The following MAD1L1 variants were observed in gnomAD, a reference collection of about 807,000 sequenced individuals.
MAD1L1 encodes the protein mitotic spindle assembly checkpoint protein MAD1.
Under a neutral mutation model 96.9 loss-of-function variants are expected in MAD1L1, and 95 were observed. The observed-to-expected ratio is 0.98, with a 90% confidence interval of 0.83 to 1.16. MAD1L1 has a LOEUF of 1.16. MAD1L1 is among the 50% of genes most tolerant of loss of function. MAD1L1 has a pLI of 0.00. For missense variants in MAD1L1, 1,007 were observed against 954.4 expected (o/e 1.06, Z -0.73); for synonymous variants, 473 against 396.6 (o/e 1.19, Z -2.29).
intron 18 of MAD1L1, among the ~76,000 whole-genome samples, chr7:1,856,486 C>G (rs1357433083): frequency 6.6e-6 from 1 of 152,246 alleles, no homozygotes; most frequent in African/African-American, 2.4e-5. Flanking sequence ...CCACAGCCCC[C>G]GCTGGCCAGC....
At chr7:1,946,702 C>A (rs988383008) in intron 16 of MAD1L1, among the ~76,000 whole-genome samples, 9 of 152,368 alleles carry the variant, frequency 5.9e-5, no homozygotes, top group Non-Finnish European at 1.2e-4. Flanking sequence ...AGGTCCCCGG[C>A]CACTTGCAGG....
intron 11 of MAD1L1, among the ~76,000 whole-genome samples, chr7:2,102,424 CACT>C (rs1196624792): frequency 1.3e-5 from 2 of 150,560 alleles, no homozygotes; most frequent in East Asian, 2.0e-4. Flanking sequence ...TCACCATCAC[CACT>C]GTCACCCTCA....
chr7:2,169,656 T>A, intron 10 of MAD1L1, among the ~76,000 whole-genome samples: 1 of 152,186 alleles, frequency 6.6e-6, no homozygotes, highest in East Asian at 1.9e-4. Context: ...AAGCAGCGGG[T>A]CAAGGTGCCA....
chr7:1,996,351 C>T (rs1192137095), intron 14 of MAD1L1, among the ~76,000 whole-genome samples: 3 of 151,898 alleles, frequency 2.0e-5, no homozygotes, highest in African/African-American at 7.2e-5. Context: ...CAGGGTCCCC[C>T]GGGTCTACAC....
At chr7:1,855,116 G>C (rs1411533886) in intron 18 of MAD1L1, among the ~76,000 whole-genome samples, 10 of 152,158 alleles carry the variant, frequency 6.6e-5, no homozygotes. Context: ...AGAGCCGCGC[G>C]TGTTTGCCGG....
At chr7:2,137,175 G>A (rs1434614647) in intron 11 of MAD1L1, among the ~76,000 whole-genome samples, 1 of 152,114 alleles carries the variant, frequency 6.6e-6, no homozygotes, top group African/African-American at 2.4e-5. Flanking sequence ...AAATACTTAG[G>A]GACCAACCCC....
intron 11 of MAD1L1, among the ~76,000 whole-genome samples, chr7:2,078,576 C>A (rs1039543757): frequency 6.6e-6 from 1 of 152,222 alleles, no homozygotes; most frequent in East Asian, 1.9e-4. Context: ...AGGAGGCTGG[C>A]GGCCAGGGCC....
chr7:2,128,226 T>A (rs1459650337), intron 11 of MAD1L1, among the ~76,000 whole-genome samples: 1 of 152,080 alleles, frequency 6.6e-6, no homozygotes, highest in Admixed American at 6.5e-5. Context: ...CCCAGACTAA[T>A]TATTCTGCAT....
chr7:1,870,157 C>T lies in MAD1L1; in HGVS notation c.1998+28043G>A, dbSNP rs567467389. Among the ~76,000 whole-genome samples, 7 of 152,166 alleles carry T rather than the reference C, an allele frequency of 4.6e-5. No individual in the cohort carries two copies. The East Asian group carries it at 9.7e-4, about 21-fold the overall frequency. ...GGAAGGCTGTGCAGGTGGCAGCTCA[C>T]GATGTGTCACATCCGGCCTAGTTGG... On this transcript the variant is annotated intron_variant, in intron 18 of 18. Transcript: ENST00000265854.
chr7:1,935,473 C>A (rs1374829573), intron 17 of MAD1L1, among the ~76,000 whole-genome samples: 1 of 152,210 alleles, frequency 6.6e-6, no homozygotes, highest in Non-Finnish European at 1.5e-5. Flanking sequence ...AGCCACTAAG[C>A]CCCTACCTGC....
chr7:2,017,300 G>A (rs1186099517), intron 12 of MAD1L1, among the ~76,000 whole-genome samples: 6 of 152,190 alleles, frequency 3.9e-5, no homozygotes, highest in Non-Finnish European at 8.8e-5. Context: ...TCCCAGACTC[G>A]CTTTAAGAAG....
chr7:1,871,419 C>T (rs1785089320), intron 18 of MAD1L1, among the ~76,000 whole-genome samples: 1 of 149,216 alleles, frequency 6.7e-6, no homozygotes, highest in Admixed American at 6.7e-5. Context: ...CAACATACGC[C>T]TGCCAAGCTG....
At position 1,980,497 on chromosome 7, in the gene MAD1L1, G is replaced by A. The variant is rs777130204; in HGVS notation, c.1461C>T (p.Ala487=). The change falls in exon 15 of 19, where the codon GCC becomes GCT. Residue 487 remains alanine (A), a synonymous_variant. Coordinates refer to ENST00000265854, the MANE Select transcript of MAD1L1 (RefSeq NM_001013836.2). ...LKMLKSQSSS[A]EQSFLFSREE... Reference sequence around the variant, plus strand: ...CCCTGGAGAACAGGAAGCTCTGTTCGGCAGAGCTGGACTGAGACTTCAGCA... The same window carrying A: ...CCCTGGAGAACAGGAAGCTCTGTTCAGCAGAGCTGGACTGAGACTTCAGCA... 154 of 1,601,530 alleles carry A rather than the reference G, an allele frequency of 9.6e-5. 2 individuals carry two copies. The highest frequency in any genetic ancestry group is 3.9e-4 in the Admixed American group (23 of 58,572).
intron 11 of MAD1L1, among the ~76,000 whole-genome samples, chr7:2,131,517 C>G (rs746357659): frequency 6.6e-6 from 1 of 152,232 alleles, no homozygotes; most frequent in Non-Finnish European, 1.5e-5. Context: ...ATTCAAAGCG[C>G]TGCTTCTGTT....
intron 12 of MAD1L1, among the ~76,000 whole-genome samples, chr7:2,066,374 C>T (rs1330937379): frequency 1.3e-5 from 2 of 152,266 alleles, no homozygotes; most frequent in Non-Finnish European, 2.9e-5. Context: ...GAGTGAACAG[C>T]TTCATCACGG....
At chr7:2,196,309 G>A (rs1215682844) in intron 10 of MAD1L1, among the ~76,000 whole-genome samples, 1 of 152,190 alleles carries the variant, frequency 6.6e-6, no homozygotes, top group East Asian at 1.9e-4. Flanking sequence ...TTGAGAACAG[G>A]CTCTGTCTTT....
intron 10 of MAD1L1, among the ~76,000 whole-genome samples, chr7:2,151,919 G>GGAGAAACCT (rs1789591550): frequency 6.6e-6 from 1 of 152,206 alleles, no homozygotes; most frequent in African/African-American, 2.4e-5. Flanking sequence ...ATGGGCCACA[G>GGAGAAACCT]GAGAAACCTG....
chr7:1,887,189 G>A (rs1243344306), intron 18 of MAD1L1, among the ~76,000 whole-genome samples: 2 of 152,262 alleles, frequency 1.3e-5, no homozygotes, highest in South Asian at 2.1e-4. Flanking sequence ...TGGGACGCCT[G>A]GGAGAGACAG....
intron 12 of MAD1L1, among the ~76,000 whole-genome samples, chr7:2,049,594 G>A (rs1020553007): frequency 9.2e-5 from 14 of 152,236 alleles, no homozygotes; most frequent in African/African-American, 2.9e-4. Flanking sequence ...CAAGATCTGT[G>A]CCTGGACCTC....
Sources: allele counts gnomAD v4.1 joint callset (sites outside exome capture counted in the v4.1 genomes callset), GRCh38; gene constraint gnomAD v4.1.1; transcripts MANE v1.5; gene names NCBI Gene and HGNC (gene_info 2026-07-23, HGNC 2026-07-21).